Variants in ANKS1A observed in about 807,000 individuals in gnomAD.
The protein encoded by ANKS1A is ankyrin repeat and sterile alpha motif domain containing 1A.
A neutral mutation model predicts 120.3 loss-of-function variants in ANKS1A; 55 were observed. That is an observed-to-expected ratio of 0.46 (90% CI 0.37 to 0.57). The LOEUF (loss-of-function observed/expected upper bound fraction) is 0.57, where lower values mean the gene tolerates loss of function less well. Ranked by LOEUF, ANKS1A falls within the 20% of genes least tolerant of loss-of-function variation. The probability of loss-of-function intolerance (pLI) is 0.00; values close to 1 mark genes in which losing one functional copy is unlikely to be tolerated. For missense variants in ANKS1A, 1,123 were observed against 1,480.3 expected, an observed-to-expected ratio of 0.76 and a Z score of 3.96; for synonymous variants, 590 against 604.7, an observed-to-expected ratio of 0.98 and a Z score of 0.36.
intron 1 of ANKS1A, among the ~76,000 whole-genome samples, chr6:34,918,282 T>A (rs1201780773): frequency 1.3e-5 from 2 of 152,192 alleles, no homozygotes; most frequent in African/African-American, 4.8e-5. Context: ...CTGGAGCCAG[T>A]TGGCCTAGGT....
chr6:35,096,405 T>C (rs1778472093), downstream of ANKS1A, among the ~76,000 whole-genome samples: 2 of 152,240 alleles, frequency 1.3e-5, no homozygotes, highest in African/African-American at 4.8e-5. Flanking sequence ...ATCCTATCTG[T>C]GAGGCAAGTC....
rs1289190681 is a variant in ANKS1A at position 35,085,190 on chromosome 6, G to A, written c.3133-576G>A. On this transcript the variant is annotated intron_variant, in intron 21 of 23. Transcript: ENST00000360359. This position sits in a 1 kb window ranked among gnomAD's most constrained non-coding sequence, Gnocchi z 4.7. Reference sequence around the variant, plus strand: ...GCCTGCTTCCTCATCTGTCTGGAGGGGATATAATGTGGCCCACCTCAGGGG... The same window carrying A: ...GCCTGCTTCCTCATCTGTCTGGAGGAGATATAATGTGGCCCACCTCAGGGG... 6.6e-6 allele frequency among the ~76,000 whole-genome samples: 1 copy of A among 152,120 alleles called. No individual in the cohort carries two copies. Among genetic ancestry groups the A allele is most frequent in the African/African-American group, 2.4e-5 (1 of 41,420 alleles).
chr6:34,973,760 A>G (rs998814195), intron 3 of ANKS1A, among the ~76,000 whole-genome samples: 5 of 152,166 alleles, frequency 3.3e-5, no homozygotes, highest in African/African-American at 1.2e-4. Flanking sequence ...TTGGGTCTTA[A>G]TGGTAGAGAA....
chr6:35,079,418 C>T (rs1777541361), intron 14 of ANKS1A, 98 bp from the exon 15 acceptor site: 3 of 1,505,566 alleles, frequency 2.0e-6, no homozygotes, highest in African/African-American at 1.4e-5. Context: ...AGAGGGCCCC[C>T]TGGCCACAGT....
intron 1 of ANKS1A, among the ~76,000 whole-genome samples, chr6:34,963,778 T>G (rs1404736612): frequency 1.3e-5 from 2 of 152,254 alleles, no homozygotes; most frequent in African/African-American, 4.8e-5. Flanking sequence ...TTGCTAACAC[T>G]TACCTTTTGT....
At position 35,090,795 on chromosome 6, in the gene ANKS1A, A is replaced by G; in HGVS notation, c.*2186A>G. 1.0e-6 allele frequency: 1 copy of G among 985,856 alleles called. No individual in the cohort carries two copies. The highest frequency in any genetic ancestry group is 4.7e-5 in the South Asian group (1 of 21,304). 61.1% of individuals were successfully genotyped at this position (985,856 alleles called of 1,614,324 possible). A position where few individuals can be genotyped will look rare whatever the true frequency, so the allele number is the denominator to read the frequency against. Reference sequence around the variant, plus strand: ...TCGCTGCGTTTCTGAACTGTGAAGGAGCCCATTCGGGTGGGAGACTTCAGA... The same window carrying G: ...TCGCTGCGTTTCTGAACTGTGAAGGGGCCCATTCGGGTGGGAGACTTCAGA... On this transcript the variant is annotated 3_prime_UTR_variant, in exon 24 of 24. Coordinates refer to ENST00000360359, the MANE Select transcript of ANKS1A (RefSeq NM_015245.3).
At chr6:34,892,156 T>C (rs1345579594) in intron 1 of ANKS1A, among the ~76,000 whole-genome samples, 1 of 152,188 alleles carries the variant, frequency 6.6e-6, no homozygotes, top group African/African-American at 2.4e-5. Flanking sequence ...GTGTCTTTTG[T>C]AGAGAGGGTA....
At chr6:35,072,366 G>A (rs1001291766) in intron 13 of ANKS1A, among the ~76,000 whole-genome samples, 14 of 152,234 alleles carry the variant, frequency 9.2e-5, no homozygotes, top group Non-Finnish European at 1.3e-4. Context: ...ACAGATACTC[G>A]CAGGAAGGAG....
At chr6:34,999,827 G>A (rs558593193) in intron 10 of ANKS1A, among the ~76,000 whole-genome samples, 14 of 152,064 alleles carry the variant, frequency 9.2e-5, no homozygotes, top group African/African-American at 3.4e-4. Context: ...GGAAAGACCA[G>A]CAGAGAGAAA....
chr6:34,979,314 G>T (rs931449434), intron 3 of ANKS1A, among the ~76,000 whole-genome samples: 1 of 152,294 alleles, frequency 6.6e-6, no homozygotes, highest in East Asian at 1.9e-4. Flanking sequence ...AGAGCTTATC[G>T]TGATGGCTTG....
At chr6:35,022,033 G>GT (rs1241402249) in intron 11 of ANKS1A, among the ~76,000 whole-genome samples, 1 of 151,610 alleles carries the variant, frequency 6.6e-6, no homozygotes, top group Non-Finnish European at 1.5e-5. Context: ...GTTCTTTGTT[G>GT]TTTGGTGGTA....
intron 1 of ANKS1A, among the ~76,000 whole-genome samples, chr6:34,937,260 C>T (rs1256544073): frequency 6.6e-6 from 1 of 151,878 alleles, no homozygotes; most frequent in Non-Finnish European, 1.5e-5. Context: ...CACTTGAACT[C>T]AGGAGTTTGA....
Position 35,084,092 on chromosome 6 carries a change from G to A in ANKS1A, c.2995-29G>A. ...GTGCCAGAGGCATGCCTGAGCCTGA[G>A]AATTCCAGAACACGGCTTTCCCCAG... On this transcript the variant is annotated intron_variant, in intron 20 of 23. Coordinates refer to ENST00000360359, the MANE Select transcript of ANKS1A (RefSeq NM_015245.3). The surrounding 1 kb of genome is among the most constrained non-coding windows in gnomAD (Gnocchi z 4.8). 2 of 1,613,104 alleles carry A rather than the reference G, an allele frequency of 1.2e-6. No homozygotes were observed.
At chr6:34,983,475 T>C in intron 7 of ANKS1A, 50 bp downstream of exon 7, 1 of 1,453,276 alleles carries the variant, frequency 6.9e-7, no homozygotes. Flanking sequence ...TTGAAAAGAG[T>C]TGAAAATTCG....
intron 11 of ANKS1A, among the ~76,000 whole-genome samples, chr6:35,052,314 G>T (rs1480744693): frequency 6.6e-6 from 1 of 151,704 alleles, no homozygotes; most frequent in Non-Finnish European, 1.5e-5. Flanking sequence ...AGCCGGCTGT[G>T]GTGTTGCACG....
At chr6:35,012,411 G>A (rs1773805547) in intron 10 of ANKS1A, among the ~76,000 whole-genome samples, 1 of 152,148 alleles carries the variant, frequency 6.6e-6, no homozygotes, top group Non-Finnish European at 1.5e-5. Context: ...CATGTACTTG[G>A]GAGTTCTCCT....
At chr6:34,895,285 T>C (rs981209621) in intron 1 of ANKS1A, among the ~76,000 whole-genome samples, 9 of 151,854 alleles carry the variant, frequency 5.9e-5, no homozygotes, top group African/African-American at 1.7e-4. Flanking sequence ...CTGGGCTCAA[T>C]TGATCCTCCT....
chr6:35,061,403 G>A lies in ANKS1A; in HGVS notation c.2184+1150G>A, dbSNP rs10214570. Among the ~76,000 whole-genome samples the A allele has an allele frequency of 2.4e-3, 370 of 152,322 alleles. 2 individuals carry two copies. Among genetic ancestry groups the A allele is most frequent in the African/African-American group, 8.3e-3 (345 of 41,578 alleles). On this transcript the variant is annotated intron_variant, in intron 13 of 23. Transcript: ENST00000360359. ...GAGGGGATCTCTCTCACCTGTGCCC[G>A]CCTTGCTCCGCTGCCTCAGTTGAGG...
chr6:35,064,792 C>T (rs1022807183), intron 13 of ANKS1A, among the ~76,000 whole-genome samples: 7 of 152,192 alleles, frequency 4.6e-5, no homozygotes, highest in East Asian at 1.9e-4. Context: ...CTCCCCAGCC[C>T]CCACCTCCAC....
Sources: gnomAD v4.1 joint callset for allele counts (sites outside exome capture counted in the v4.1 genomes callset) on GRCh38, gnomAD v4.1.1 for gene constraint, Gnocchi (gnomAD v3.1) non-coding constraint, MANE v1.5 for transcripts, NCBI Gene and HGNC (gene_info 2026-07-23, HGNC 2026-07-21) for gene names.